Variants in ATRNL1 observed in about 807,000 individuals in gnomAD.
ATRNL1 encodes attractin-like protein 1.
Under a neutral mutation model 182.7 loss-of-function variants are expected in ATRNL1, and 95 were observed. That is an observed-to-expected ratio of 0.52 (90% CI 0.44 to 0.62). The LOEUF (loss-of-function observed/expected upper bound fraction) is 0.62, where lower values mean the gene tolerates loss of function less well. Among genes scored for constraint, ATRNL1 ranks in the 20% least tolerant of loss-of-function variants. ATRNL1 has a pLI of 0.00. For synonymous variants in ATRNL1, 576 were observed against 568.3 expected, an observed-to-expected ratio of 1.01 and a Z score of -0.19; for missense variants, 1,471 against 1,679.5, an observed-to-expected ratio of 0.88 and a Z score of 2.17.
chr10:115,403,373 C>A (rs1554957454), intron 20 of ATRNL1, among the ~76,000 whole-genome samples: 2 of 151,084 alleles, frequency 1.3e-5, no homozygotes, highest in African/African-American at 2.4e-5. Context: ...TTCTGTACAG[C>A]CTGCCTGCAC....
At chr10:115,420,498 T>C (rs868920530) in intron 20 of ATRNL1, among the ~76,000 whole-genome samples, 10 of 152,290 alleles carry the variant, frequency 6.6e-5, no homozygotes, top group South Asian at 2.1e-4. Flanking sequence ...TTTAAAACAT[T>C]TCTTGAGAAA....
At chr10:115,741,715 C>T (rs1455549902) in intron 27 of ATRNL1, among the ~76,000 whole-genome samples, 1 of 152,018 alleles carries the variant, frequency 6.6e-6, no homozygotes, top group African/African-American at 2.4e-5. Context: ...AAAACTTTGA[C>T]AATGTAGAAT....
rs2960722 is a variant in ATRNL1 at position 115,760,639 on chromosome 10, C to A, written c.3903+33284C>A. 6.3e-3 allele frequency among the ~76,000 whole-genome samples: 952 copies of A among 151,906 alleles called. 10 individuals carry two copies. Among genetic ancestry groups the A allele is most frequent in the Middle Eastern group, 0.014 (4 of 286 alleles). On this transcript the variant is annotated intron_variant, in intron 27 of 28. Transcript: ENST00000355044. ...TTTCTTCTGAAACAATACACACACA[C>A]GTATATAAAAAACAATATTATTCTT...
At chr10:115,615,144 C>A (rs1857366850) in intron 26 of ATRNL1, among the ~76,000 whole-genome samples, 1 of 152,020 alleles carries the variant, frequency 6.6e-6, no homozygotes, top group Non-Finnish European at 1.5e-5. Flanking sequence ...TGGTTTTCTG[C>A]AATGATAACA....
At chr10:115,418,575 G>T (rs1203425765) in intron 20 of ATRNL1, among the ~76,000 whole-genome samples, 1 of 152,156 alleles carries the variant, frequency 6.6e-6, no homozygotes, top group Non-Finnish European at 1.5e-5. Context: ...GGGGAAAGAT[G>T]TGAATGCCCA....
At chr10:115,721,470 A>G (rs1048981696) in intron 26 of ATRNL1, among the ~76,000 whole-genome samples, 1 of 152,134 alleles carries the variant, frequency 6.6e-6, no homozygotes, top group Non-Finnish European at 1.5e-5. Context: ...GTTTAATTGG[A>G]CTTACAATTC....
intron 23 of ATRNL1, among the ~76,000 whole-genome samples, chr10:115,468,196 A>G (rs144553802): frequency 6.6e-6 from 1 of 150,890 alleles, no homozygotes; most frequent in Non-Finnish European, 1.5e-5. Context: ...AAAAATTCGT[A>G]ATAACTTGTA....
At chr10:115,771,643 C>T (rs1948996643) in intron 27 of ATRNL1, among the ~76,000 whole-genome samples, 1 of 152,262 alleles carries the variant, frequency 6.6e-6, no homozygotes, top group East Asian at 1.9e-4. Flanking sequence ...AATATACCAG[C>T]GTTACCCTTT....
At chr10:115,238,089 G>A (rs372328007) in intron 9 of ATRNL1, among the ~76,000 whole-genome samples, 2 of 152,122 alleles carry the variant, frequency 1.3e-5, no homozygotes, top group East Asian at 3.9e-4. Flanking sequence ...CTGTTTCCTT[G>A]ATTTATTTGT....
intron 26 of ATRNL1, among the ~76,000 whole-genome samples, chr10:115,671,638 G>A (rs782075284): frequency 6.6e-6 from 1 of 152,100 alleles, no homozygotes; most frequent in African/African-American, 2.4e-5. Flanking sequence ...AAAGATGAGA[G>A]CATGAGTAAT....
At chr10:115,117,092 G>T (rs1844520548) in intron 1 of ATRNL1, among the ~76,000 whole-genome samples, 1 of 151,944 alleles carries the variant, frequency 6.6e-6, no homozygotes, top group African/African-American at 2.4e-5. Context: ...TACAGAGTAG[G>T]TGTATATGTT....
At chr10:115,410,479 C>T (rs570849487) in intron 20 of ATRNL1, among the ~76,000 whole-genome samples, 7 of 151,332 alleles carry the variant, frequency 4.6e-5, no homozygotes, top group Admixed American at 1.3e-4. Flanking sequence ...GCACCACACA[C>T]CCAGCTAATT....
chr10:115,210,078 A>C (rs1351501678), intron 8 of ATRNL1, among the ~76,000 whole-genome samples: 9 of 152,012 alleles, frequency 5.9e-5, no homozygotes, highest in African/African-American at 1.7e-4. Flanking sequence ...TAAGTGAAAT[A>C]CTGTATTTCA....
At chr10:115,768,151 T>C (rs541223369) in intron 27 of ATRNL1, among the ~76,000 whole-genome samples, 85 of 152,278 alleles carry the variant, frequency 5.6e-4, no homozygotes, top group African/African-American at 2.0e-3. Flanking sequence ...TGTGGCTCTG[T>C]GACTTTGTAT....
At chr10:115,174,211 T>C (rs1847406277) in intron 8 of ATRNL1, among the ~76,000 whole-genome samples, 1 of 151,828 alleles carries the variant, frequency 6.6e-6, no homozygotes, top group Non-Finnish European at 1.5e-5. Context: ...ATTTTTTTTT[T>C]ACCCTCGTAA....
intron 26 of ATRNL1, among the ~76,000 whole-genome samples, chr10:115,709,249 A>G (rs960148655): frequency 3.9e-5 from 6 of 151,902 alleles, no homozygotes; most frequent in Non-Finnish European, 7.4e-5. Flanking sequence ...TTCTGAAGAA[A>G]GCCCGAAACA....
At chr10:115,412,719 T>G (rs1845203982) in intron 20 of ATRNL1, among the ~76,000 whole-genome samples, 1 of 152,184 alleles carries the variant, frequency 6.6e-6, no homozygotes, top group South Asian at 2.1e-4. Flanking sequence ...ATTAAGACTT[T>G]TCCTAGAACA....
intron 24 of ATRNL1, among the ~76,000 whole-genome samples, chr10:115,502,572 A>G (rs1849900013): frequency 6.6e-6 from 1 of 152,118 alleles, no homozygotes; most frequent in Non-Finnish European, 1.5e-5. Flanking sequence ...CAATTTATAA[A>G]ATTTTAATCC....
Position 115,093,638 on chromosome 10 carries a change from TGAG to T in ATRNL1, c.-103_-101del, listed in dbSNP as rs782634361. Reference sequence around the variant, plus strand: ...GGAGCGGGACTCGGACGGGCGCCGGTGAGGAGGAGGAGAAGCGGCGGCGGAGAG... The same window carrying T: ...GGAGCGGGACTCGGACGGGCGCCGGTGAGGAGGAGAAGCGGCGGCGGAGAG... On this transcript the variant is annotated 5_prime_UTR_variant, in exon 1 of 29. Transcript: ENST00000355044. The surrounding 1 kb of genome is among the most constrained non-coding windows in gnomAD (Gnocchi z 6.1). 53 of 1,188,838 alleles carry T rather than the reference TGAG, an allele frequency of 4.5e-5. No individual in the cohort carries two copies. Among genetic ancestry groups the T allele is most frequent in the Middle Eastern group, 1.9e-4 (1 of 5,280 alleles). 73.6% of individuals were successfully genotyped at this position (1,188,838 alleles called of 1,614,324 possible). A position where few individuals can be genotyped will look rare whatever the true frequency, so the allele number is the denominator to read the frequency against.
Sources: gnomAD v4.1 joint callset for allele counts (sites outside exome capture counted in the v4.1 genomes callset) on GRCh38, gnomAD v4.1.1 for gene constraint, Gnocchi (gnomAD v3.1) non-coding constraint, MANE v1.5 for transcripts, NCBI Gene and HGNC (gene_info 2026-07-23, HGNC 2026-07-21) for gene names.